Variants in NAV3 observed in about 807,000 individuals in gnomAD.
NAV3 encodes the protein neuron navigator 3, also known as pore membrane and/or filament interacting like protein 1.
In NAV3, 87 loss-of-function variants were observed where a neutral mutation model predicts 244.7. That is an observed-to-expected ratio of 0.36 (90% CI 0.30 to 0.42). NAV3 has a LOEUF of 0.42. Among genes scored for constraint, NAV3 ranks in the 20% least tolerant of loss-of-function variants. The probability of loss-of-function intolerance (pLI) is 1.00; values close to 1 mark genes in which losing one functional copy is unlikely to be tolerated. For missense variants in NAV3, 2,663 were observed against 2,893.3 expected, an observed-to-expected ratio of 0.92 and a Z score of 1.83; for synonymous variants, 1,126 against 1,042.2, an observed-to-expected ratio of 1.08 and a Z score of -1.55.
At chr12:77,966,369 A>C in intron 4 of NAV3, 68 bp downstream of exon 4, 1 of 1,361,264 alleles carries the variant, frequency 7.3e-7, no homozygotes, top group Non-Finnish European at 1.0e-6. Context: ...TTATAATGTA[A>C]GAAATGTAAC....
intron 19 of NAV3, 74 bp from the exon 20 acceptor site, chr12:78,140,208 C>G: frequency 7.8e-7 from 1 of 1,279,048 alleles, no homozygotes; most frequent in Non-Finnish European, 1.1e-6. Flanking sequence ...CCGTTCTTTA[C>G]TTTTTCTGTA....
At chr12:77,834,554 A>G (rs1874284508) in intron 1 of NAV3, among the ~76,000 whole-genome samples, 1 of 152,200 alleles carries the variant, frequency 6.6e-6, no homozygotes, top group Non-Finnish European at 1.5e-5. Context: ...AGAGAGAGAC[A>G]CTGTCTCTGC....
rs1471952465 is a variant in NAV3 at position 78,050,887 on chromosome 12, G to A, written c.2256G>A (p.Gln752=). ...WRLGQACPRL[Q]AGDAPSLGAG... The stretch of plus-strand genomic sequence containing the variant: ...TGGGCCAGGCATGTCCGCGACTTCA[G>A]GCGGGAGATGCTCCCTCCCTGGGTG... The change falls in exon 11 of 40, where the codon CAG becomes CAA. Residue 752 remains glutamine, a synonymous_variant. Transcript: ENST00000397909. 6.2e-7 allele frequency: 1 copy of A among 1,614,122 alleles called. No homozygotes were observed. Among genetic ancestry groups the A allele is most frequent in the Non-Finnish European group, 8.5e-7 (1 of 1,180,018 alleles).
At chr12:77,985,930 C>G (rs967313565) in intron 5 of NAV3, among the ~76,000 whole-genome samples, 2 of 152,166 alleles carry the variant, frequency 1.3e-5, no homozygotes, top group Admixed American at 6.6e-5. Flanking sequence ...AAAGATCTAT[C>G]TAATCTGAGA....
chr12:77,655,453 A>G (rs1380143285), intron 2 of NAV3, among the ~76,000 whole-genome samples: 3 of 152,238 alleles, frequency 2.0e-5, no homozygotes, highest in East Asian at 1.9e-4. Flanking sequence ...ATATGTGACT[A>G]TGTGAAAAGA....
In NAV3 at chr12:78,177,680, A is replaced by G; in HGVS notation, c.5358A>G (p.Arg1786=). ...ATGGCCCTGTGATCTACAAGCATAG[A>G]TCTCGGTAAAGTGGAGTGCGATGCA... The part of the protein sequence containing the change: ...RQNGPVIYKH[R]SRICECTEAE... Residue 1786 remains arginine (R), a synonymous_variant, in exon 28 of 40, where the codon AGA becomes AGG. Coordinates refer to ENST00000397909, the MANE Select transcript of NAV3 (RefSeq NM_001024383.2). The G allele has an allele frequency of 6.3e-7, 1 of 1,597,206 alleles. No individual in the cohort carries two copies. The highest frequency in any genetic ancestry group is 8.5e-7 in the Non-Finnish European group (1 of 1,179,156).
intron 1 of NAV3, among the ~76,000 whole-genome samples, chr12:77,888,946 A>G (rs958335484): frequency 1.3e-5 from 2 of 152,058 alleles, no homozygotes; most frequent in Admixed American, 1.3e-4. Flanking sequence ...AAATTTTAGG[A>G]CAGATTTGGT....
At chr12:77,847,659 C>A (rs1264546669) in intron 1 of NAV3, among the ~76,000 whole-genome samples, 1 of 152,188 alleles carries the variant, frequency 6.6e-6, no homozygotes, top group African/African-American at 2.4e-5. Flanking sequence ...CAAAGTATTA[C>A]AAACACCACT....
At chr12:77,603,022 G>A (rs1001793538) in intron 2 of NAV3, among the ~76,000 whole-genome samples, 1 of 152,024 alleles carries the variant, frequency 6.6e-6, no homozygotes, top group Non-Finnish European at 1.5e-5. Flanking sequence ...GGGAGTATAA[G>A]CATGCTATCT....
chr12:78,152,561 A>T (rs1957116887), intron 22 of NAV3, among the ~76,000 whole-genome samples: 1 of 151,878 alleles, frequency 6.6e-6, no homozygotes, highest in African/African-American at 2.4e-5. Context: ...GATTTCATGC[A>T]TCATAATCAG....
chr12:77,592,393 G>T (rs1869946462), intron 2 of NAV3, among the ~76,000 whole-genome samples: 1 of 152,160 alleles, frequency 6.6e-6, no homozygotes, highest in Non-Finnish European at 1.5e-5. Flanking sequence ...ACAAAGTTCA[G>T]AATAGGAGAA....
chr12:77,893,165 G>T (rs925186551), intron 1 of NAV3, among the ~76,000 whole-genome samples: 2 of 151,910 alleles, frequency 1.3e-5, no homozygotes, highest in Non-Finnish European at 2.9e-5. Context: ...AGGATGCAAA[G>T]AAACAAAAAG....
At chr12:77,968,488 A>T (rs2137986158) in intron 4 of NAV3, 31 bp from the exon 5 acceptor site, 1 of 1,545,384 alleles carries the variant, frequency 6.5e-7, no homozygotes, top group Non-Finnish European at 8.9e-7. Flanking sequence ...AATACATATG[A>T]TTCTTTTTTT....
intron 2 of NAV3, among the ~76,000 whole-genome samples, chr12:77,688,412 A>C (rs1874857754): frequency 6.6e-6 from 1 of 151,980 alleles, no homozygotes; most frequent in Non-Finnish European, 1.5e-5. Flanking sequence ...TACTTTCCTC[A>C]CTAGGCTGTA....
intron 5 of NAV3, among the ~76,000 whole-genome samples, chr12:77,972,133 T>G (rs1893045613): frequency 6.6e-6 from 1 of 152,154 alleles, no homozygotes; most frequent in Non-Finnish European, 1.5e-5. Context: ...TCTCCACCTT[T>G]GAGTGTATGT....
intron 38 of NAV3, 78 bp downstream of exon 38, chr12:78,200,669 T>C: frequency 2.7e-6 from 2 of 746,078 alleles, no homozygotes; most frequent in Non-Finnish European, 4.0e-6. Flanking sequence ...CAAAAAAAAA[T>C]ATCTGGGTAT....
At chr12:77,679,241 T>C (rs1874340909) in intron 2 of NAV3, among the ~76,000 whole-genome samples, 1 of 152,162 alleles carries the variant, frequency 6.6e-6, no homozygotes, top group South Asian at 2.1e-4. Context: ...CAAGAGGCAC[T>C]GAAGGCCTCT....
chr12:77,616,422 AT>A (rs974602513), intron 2 of NAV3, among the ~76,000 whole-genome samples: 5 of 152,084 alleles, frequency 3.3e-5, no homozygotes, highest in African/African-American at 1.2e-4. Context: ...TGGTGCAAAA[AT>A]TTTAAATCCC....
intron 2 of NAV3, among the ~76,000 whole-genome samples, chr12:77,658,728 C>G (rs1308618627): frequency 1.3e-5 from 2 of 151,720 alleles, no homozygotes; most frequent in Admixed American, 1.3e-4. Context: ...GCTACAGTAA[C>G]CAAAACAGCA....
Sources: gnomAD v4.1 joint callset for allele counts (sites outside exome capture counted in the v4.1 genomes callset) on GRCh38, gnomAD v4.1.1 for gene constraint, MANE v1.5 for transcripts, NCBI Gene and HGNC (gene_info 2026-07-23, HGNC 2026-07-21) for gene names.